Variants in STXBP5L observed in about 807,000 individuals in gnomAD.
STXBP5L encodes the protein syntaxin-binding protein 5-like.
STXBP5L carries 65 observed loss-of-function variants against 144.5 expected under a neutral mutation model. The ratio of observed to expected loss-of-function variants is 0.45; its 90% confidence interval spans 0.37 to 0.55. The LOEUF (loss-of-function observed/expected upper bound fraction) is 0.55. STXBP5L is among the 20% of genes least tolerant of loss of function. The probability of loss-of-function intolerance (pLI) is 0.00; values close to 1 mark genes in which losing one functional copy is unlikely to be tolerated. For synonymous variants in STXBP5L, 505 were observed against 469.6 expected, an observed-to-expected ratio of 1.08 and a Z score of -0.97; for missense variants, 1,298 against 1,405.5, an observed-to-expected ratio of 0.92 and a Z score of 1.22.
In STXBP5L at chr3:120,909,748, A is replaced by G. The variant is rs372245940; in HGVS notation, c.170A>G (p.Glu57Gly). Residue 57 changes from glutamate to glycine, a missense_variant, in exon 2 of 27, where the codon GAG (glutamate) becomes GGG (glycine). By Grantham distance (98) the Glu-to-Gly change is moderately conservative. Transcript: ENST00000471454. ...GAAATTCAGGAAACTTTGACTTCGGAGTATTTCCAGATTTGCAAGGTAAGT... is the reference window on the plus strand; with the variant it reads ...GAAATTCAGGAAACTTTGACTTCGGGGTATTTCCAGATTTGCAAGGTAAGT... Reference protein sequence around the residue: ...REEIQETLTSEYFQICKTVRH... With the variant: ...REEIQETLTSGYFQICKTVRH... 6.2e-7 allele frequency: 1 copy of G among 1,612,128 alleles called. No homozygotes were observed. Among genetic ancestry groups the G allele is most frequent in the Non-Finnish European group, 8.5e-7 (1 of 1,179,510 alleles).
At chr3:121,125,199 T>C (rs2044649996) in intron 7 of STXBP5L, among the ~76,000 whole-genome samples, 1 of 152,122 alleles carries the variant, frequency 6.6e-6, no homozygotes, top group Non-Finnish European at 1.5e-5. Flanking sequence ...TTGGGCGCAG[T>C]GGCTCACACC....
chr3:121,252,738 A>G (rs1464875101), intron 15 of STXBP5L, among the ~76,000 whole-genome samples: 26 of 152,226 alleles, frequency 1.7e-4, no homozygotes, highest in Admixed American at 1.7e-3. Flanking sequence ...TTAACAACTT[A>G]AAACAATACC....
At chr3:121,345,696 C>A (rs900012010) in intron 20 of STXBP5L, among the ~76,000 whole-genome samples, 6 of 152,056 alleles carry the variant, frequency 3.9e-5, no homozygotes, top group Non-Finnish European at 5.9e-5. Flanking sequence ...TTAATGACTG[C>A]CATTCTAACT....
intron 22 of STXBP5L, among the ~76,000 whole-genome samples, chr3:121,394,535 T>G (rs2046676918): frequency 6.6e-6 from 1 of 152,020 alleles, no homozygotes; most frequent in Non-Finnish European, 1.5e-5. Flanking sequence ...TGATGTTGGC[T>G]ATGAGTTTGT....
At chr3:121,021,890 AC>A (rs1945583759) in intron 3 of STXBP5L, among the ~76,000 whole-genome samples, 1 of 152,120 alleles carries the variant, frequency 6.6e-6, no homozygotes, top group African/African-American at 2.4e-5. Context: ...CCAAACCCAA[AC>A]CCAGCAGAAG....
intron 5 of STXBP5L, among the ~76,000 whole-genome samples, chr3:121,112,643 A>C (rs572082873): frequency 1.3e-5 from 2 of 152,016 alleles, no homozygotes; most frequent in South Asian, 4.2e-4. Flanking sequence ...TTTTTTATAA[A>C]GAGTTATTCG....
intron 5 of STXBP5L, among the ~76,000 whole-genome samples, chr3:121,062,612 T>C (rs755652127): frequency 1.2e-4 from 19 of 152,206 alleles, no homozygotes; most frequent in Non-Finnish European, 2.5e-4. Flanking sequence ...TTTCCAACTT[T>C]CTTCTGTTCT....
intron 10 of STXBP5L, among the ~76,000 whole-genome samples, chr3:121,215,677 G>C (rs1047168130): frequency 6.6e-6 from 1 of 152,084 alleles, no homozygotes; most frequent in Admixed American, 6.6e-5. Context: ...ACGATTATGT[G>C]TCTTGAGGTT....
chr3:121,381,299 G>A lies in STXBP5L; in HGVS notation c.2354G>A (p.Arg785Gln), dbSNP rs1268529223. ...TTTTTATTTATTTCCATAGAAAACCGAGAAAATTCCTATAATCGTTCTAGA... is the reference window on the plus strand; with the variant it reads ...TTTTTATTTATTTCCATAGAAAACCAAGAAAATTCCTATAATCGTTCTAGA... ...ISLPVTTEENRENSYNRSRSS... is the reference protein window; with the variant it reads ...ISLPVTTEENQENSYNRSRSS... Residue 785 changes from arginine (R) to glutamine (Q), a missense_variant, in exon 22 of 27, where the codon CGA (arginine) becomes CAA (glutamine). Transcript: ENST00000471454. 9.5e-6 allele frequency: 15 copies of A among 1,578,172 alleles called. No homozygotes were observed. The highest frequency in any genetic ancestry group is 2.3e-5 in the East Asian group (1 of 44,276).
chr3:121,368,176 T>C (rs2045924159), intron 20 of STXBP5L, among the ~76,000 whole-genome samples: 1 of 152,182 alleles, frequency 6.6e-6, no homozygotes, highest in Admixed American at 6.5e-5. Context: ...TTGAATTTTT[T>C]TCTTTCTGTT....
rs148499002 is a variant in STXBP5L, at chr3:121,295,280, T to G, written c.2110+15324T>G. On this transcript the variant is annotated intron_variant, in intron 19 of 26. Coordinates refer to ENST00000471454, the MANE Select transcript of STXBP5L (RefSeq NM_001308330.2). ...CAAGGACTGACATTTAATAGGAGGC[T>G]TTGTCTATTAGTATAGACAGACTTT... Among the ~76,000 whole-genome samples, 692 of 152,212 alleles carry G rather than the reference T, an allele frequency of 4.5e-3. 4 individuals carry two copies. Among genetic ancestry groups the G allele is most frequent in the African/African-American group, 0.016 (660 of 41,544 alleles).
intron 3 of STXBP5L, among the ~76,000 whole-genome samples, chr3:120,991,800 G>A (rs138913664): frequency 8.6e-4 from 129 of 150,682 alleles, no homozygotes; most frequent in African/African-American, 2.9e-3. Context: ...ATCACACACC[G>A]GGGCCTGTTG....
chr3:121,070,645 C>G (rs1049873129), intron 5 of STXBP5L, among the ~76,000 whole-genome samples: 1 of 152,016 alleles, frequency 6.6e-6, no homozygotes, highest in African/African-American at 2.4e-5. Context: ...CCAGTTGGTA[C>G]TTTTGCAAAG....
chr3:121,316,131 G>A (rs912423520), intron 19 of STXBP5L, among the ~76,000 whole-genome samples: 1 of 152,014 alleles, frequency 6.6e-6, no homozygotes, highest in Non-Finnish European at 1.5e-5. Context: ...TCCAAAAAAT[G>A]TTTATTTTTA....
chr3:121,033,572 T>A (rs1474090783), intron 3 of STXBP5L, among the ~76,000 whole-genome samples: 6 of 141,416 alleles, frequency 4.2e-5, no homozygotes, highest in Non-Finnish European at 4.6e-5. Flanking sequence ...AAAGTACAAT[T>A]AAAAAAAAAA....
intron 9 of STXBP5L, among the ~76,000 whole-genome samples, chr3:121,182,692 GATAA>G (rs1223962046): frequency 2.0e-5 from 3 of 152,064 alleles, no homozygotes; most frequent in Non-Finnish European, 4.4e-5. Flanking sequence ...ATATGCAAAA[GATAA>G]ATGAAACAAA....
At chr3:120,988,710 G>C (rs911490672) in intron 3 of STXBP5L, among the ~76,000 whole-genome samples, 33 of 151,958 alleles carry the variant, frequency 2.2e-4, no homozygotes, top group African/African-American at 8.0e-4. Context: ...GTGCAGTTTT[G>C]TTACATGAGC....
At chr3:120,923,867 T>C (rs1459055435) in intron 2 of STXBP5L, among the ~76,000 whole-genome samples, 1 of 152,136 alleles carries the variant, frequency 6.6e-6, no homozygotes, top group African/African-American at 2.4e-5. Flanking sequence ...GTCTAGTGTG[T>C]AGTTTACAGT....
chr3:121,111,428 C>CT (rs2043982073), intron 5 of STXBP5L, among the ~76,000 whole-genome samples: 2 of 152,100 alleles, frequency 1.3e-5, no homozygotes, highest in African/African-American at 2.4e-5. Flanking sequence ...TTTGAGGGGA[C>CT]TTTTTTGTTA....
Sources: allele counts gnomAD v4.1 joint callset (sites outside exome capture counted in the v4.1 genomes callset), GRCh38; gene constraint gnomAD v4.1.1; transcripts MANE v1.5; gene names NCBI Gene and HGNC (gene_info 2026-07-23, HGNC 2026-07-21).